The following SLC22A23 variants were observed in gnomAD, a reference collection of about 807,000 sequenced individuals.
The protein encoded by SLC22A23 is ion transporter protein.
Under a neutral mutation model 61.0 loss-of-function variants are expected in SLC22A23, and 26 were observed. The observed-to-expected ratio is 0.43, with a 90% CI of 0.31 to 0.59. SLC22A23 has a LOEUF of 0.59. Ranked by LOEUF, SLC22A23 falls within the 20% of genes least tolerant of loss-of-function variation. The pLI is 0.11. For missense variants in SLC22A23, 796 were observed against 934.7 expected (o/e 0.85, Z 1.94); for synonymous variants, 430 against 413.9 (o/e 1.04, Z -0.47).
intron 3 of SLC22A23, among the ~76,000 whole-genome samples, chr6:3,401,613 T>C (rs559553891): frequency 1.3e-5 from 2 of 152,292 alleles, no homozygotes; most frequent in South Asian, 4.1e-4. Context: ...AAAGGACATT[T>C]TTCAATGTCC....
chr6:3,356,921 C>G (rs1315424499), intron 3 of SLC22A23, among the ~76,000 whole-genome samples: 1 of 152,056 alleles, frequency 6.6e-6, no homozygotes, highest in Non-Finnish European at 1.5e-5. Context: ...CAGGTGGTGT[C>G]TCTAGGAGAG....
At chr6:3,431,455 A>G (rs1329018486) in intron 1 of SLC22A23, among the ~76,000 whole-genome samples, 1 of 152,222 alleles carries the variant, frequency 6.6e-6, no homozygotes, top group African/African-American at 2.4e-5. Context: ...AGCCTTTCAA[A>G]ACCATCTATG....
At chr6:3,341,891 A>T (rs192411963) in intron 3 of SLC22A23, among the ~76,000 whole-genome samples, 198 of 152,134 alleles carry the variant, frequency 1.3e-3, no homozygotes, top group African/African-American at 3.4e-3. Flanking sequence ...AATGGATTTT[A>T]AAAAAAATCA....
At chr6:3,429,486 C>T (rs998455355) in intron 1 of SLC22A23, among the ~76,000 whole-genome samples, 2 of 152,040 alleles carry the variant, frequency 1.3e-5, no homozygotes, top group Admixed American at 6.5e-5. Context: ...AGCCCAAGTC[C>T]ATTAGCCCAA....
chr6:3,447,932 T>C (rs1188759126), intron 1 of SLC22A23, among the ~76,000 whole-genome samples: 1 of 123,898 alleles, frequency 8.1e-6, no homozygotes, highest in Non-Finnish European at 1.6e-5. Context: ...AGATGGAGTC[T>C]CACTCTGTTG....
At chr6:3,316,098 C>T (rs1463071577) in intron 4 of SLC22A23, among the ~76,000 whole-genome samples, 1 of 152,188 alleles carries the variant, frequency 6.6e-6, no homozygotes, top group Non-Finnish European at 1.5e-5. Flanking sequence ...GCCTGAGATC[C>T]GTATTTCTAG....
At chr6:3,383,823 AC>A (rs1479390390) in intron 3 of SLC22A23, among the ~76,000 whole-genome samples, 2 of 152,266 alleles carry the variant, frequency 1.3e-5, no homozygotes, top group African/African-American at 4.8e-5. Context: ...CTGAGGTCCT[AC>A]TATGCGCCTG....
intron 3 of SLC22A23, among the ~76,000 whole-genome samples, chr6:3,358,275 C>T (rs1765233866): frequency 6.9e-6 from 1 of 144,674 alleles, no homozygotes; most frequent in South Asian, 2.3e-4. Context: ...GTGAGCGCTC[C>T]CACGTTCACT....
intron 1 of SLC22A23, among the ~76,000 whole-genome samples, chr6:3,447,920 A>T (rs1471912179): frequency 1.2e-4 from 8 of 65,782 alleles, no homozygotes; most frequent in South Asian, 5.5e-4. Context: ...TTTTTTTGAG[A>T]TAGATGGAGT....
In SLC22A23 at chr6:3,425,425, C is replaced by G. The variant is rs1770427353; in HGVS notation, c.655-9570G>C. On this transcript the variant is annotated intron_variant, in intron 1 of 9. Transcript: ENST00000406686. ...TCAGCCTCCCGAGTAGCTGAGACTA[C>G]AGGCGCCCGCCACCACGCCCGGCTA... 2.6e-5 allele frequency among the ~76,000 whole-genome samples: 4 copies of G among 151,648 alleles called. No individual in the cohort carries two copies. In the South Asian group the frequency reaches 8.4e-4, roughly 32 times the overall value.
At position 3,410,464 on chromosome 6, in the gene SLC22A23, TG is replaced by T. The variant is rs1346937013; in HGVS notation, c.759-123del. The T allele has an allele frequency of 7.6e-6, 8 of 1,049,384 alleles. No individual in the cohort carries two copies. In the African/African-American group the frequency reaches 1.3e-4, roughly 17 times the overall value. The allele number at this position is 1,049,384 out of a possible 1,614,324, so 65.0% of individuals were successfully genotyped here. A position where few individuals can be genotyped will look rare whatever the true frequency, so the allele number is the denominator to read the frequency against. ...TGAATGAGTACTGGGTAAAAAGTCC[TG>T]TGCCATCTATACCCACTTCACTAGA... On this transcript the variant is annotated intron_variant, in intron 2 of 9. Coordinates refer to ENST00000406686, the MANE Select transcript of SLC22A23 (RefSeq NM_015482.2). This position sits in a 1 kb window ranked among gnomAD's most constrained non-coding sequence, Gnocchi z 5.0.
chr6:3,415,840 C>A lies in SLC22A23; in HGVS notation c.670G>T (p.Asp224Tyr). 1 of 1,551,880 alleles carries A rather than the reference C, an allele frequency of 6.4e-7. No individual in the cohort carries two copies. Among genetic ancestry groups the A allele is most frequent in the South Asian group, 1.2e-5 (1 of 84,030 alleles). Residue 224 changes from aspartate to tyrosine, a missense_variant, in exon 2 of 10, where the codon GAT (aspartate) becomes TAT (tyrosine). Transcript: ENST00000406686. ...NVVSKWDLVCDNAWKVHIAKF... is the reference protein window; with the variant it reads ...NVVSKWDLVCYNAWKVHIAKF... The stretch of plus-strand genomic sequence containing the variant: ...GCGATATGGACCTTCCAGGCATTAT[C>A]ACACACAAGATCCCACTAGAGAGGG...
intron 9 of SLC22A23, among the ~76,000 whole-genome samples, chr6:3,276,486 C>CGATA (rs1758916952): frequency 1.3e-5 from 2 of 152,226 alleles, no homozygotes. Context: ...CTAATCATAT[C>CGATA]ACCTGGCTGC....
intron 3 of SLC22A23, among the ~76,000 whole-genome samples, chr6:3,339,420 T>G (rs1262747888): frequency 6.6e-6 from 1 of 152,034 alleles, no homozygotes; most frequent in African/African-American, 2.4e-5. Flanking sequence ...ACTTTCCAAT[T>G]CATAATGTCA....
At position 3,286,380 on chromosome 6, in the gene SLC22A23, G is replaced by A. The variant is rs898218747; in HGVS notation, c.1546+479C>T. 6.6e-6 allele frequency among the ~76,000 whole-genome samples: 1 copy of A among 152,200 alleles called. No individual in the cohort carries two copies. On this transcript the variant is annotated intron_variant, in intron 7 of 9. Coordinates refer to ENST00000406686, the MANE Select transcript of SLC22A23 (RefSeq NM_015482.2). This position sits in a 1 kb window ranked among gnomAD's most constrained non-coding sequence, Gnocchi z 4.2. ...CTCCCAAAGTGCTGGGATTACAGGC[G>A]TGAGCCACCGCACCCGGCCAGATTA...
At chr6:3,299,456 G>A (rs979222708) in intron 4 of SLC22A23, among the ~76,000 whole-genome samples, 4 of 152,188 alleles carry the variant, frequency 2.6e-5, no homozygotes, top group African/African-American at 4.8e-5. Context: ...TCCCTCAGAC[G>A]ATGCCACAAC....
intron 1 of SLC22A23, among the ~76,000 whole-genome samples, chr6:3,425,872 C>T (rs1258788945): frequency 6.6e-6 from 1 of 152,176 alleles, no homozygotes; most frequent in Admixed American, 6.5e-5. Context: ...TTCTTTCCCC[C>T]AGTAAACTCA....
At position 3,410,460 on chromosome 6, in the gene SLC22A23, G is replaced by T; in HGVS notation, c.759-118C>A. 1 of 1,107,346 alleles carries T rather than the reference G, an allele frequency of 9.0e-7. No individual in the cohort carries two copies. Among genetic ancestry groups the T allele is most frequent in the Non-Finnish European group, 1.3e-6 (1 of 798,024 alleles). The allele number at this position is 1,107,346 out of a possible 1,614,324, so 68.6% of individuals were successfully genotyped here. On this transcript the variant is annotated intron_variant, in intron 2 of 9. Coordinates refer to ENST00000406686, the MANE Select transcript of SLC22A23 (RefSeq NM_015482.2). The surrounding 1 kb of genome is among the most constrained non-coding windows in gnomAD (Gnocchi z 5.0). ...ATGTTGAATGAGTACTGGGTAAAAA[G>T]TCCTGTGCCATCTATACCCACTTCA...
chr6:3,337,039 C>A (rs1763897293), intron 3 of SLC22A23, among the ~76,000 whole-genome samples: 1 of 152,146 alleles, frequency 6.6e-6, no homozygotes, highest in East Asian at 1.9e-4. Context: ...AACTCCTGAG[C>A]TCAAACAATC....
Sources: allele counts gnomAD v4.1 joint callset (sites outside exome capture counted in the v4.1 genomes callset), GRCh38; gene constraint gnomAD v4.1.1; non-coding constraint Gnocchi (gnomAD v3.1); transcripts MANE v1.5; gene names NCBI Gene and HGNC (gene_info 2026-07-23, HGNC 2026-07-21).